Variants in SERPINA6 observed in about 807,000 individuals in gnomAD.
The protein encoded by SERPINA6 is serpin family A member 6.
A neutral mutation model predicts 26.4 loss-of-function variants in SERPINA6; 19 were observed. The observed-to-expected ratio is 0.72, with a 90% CI of 0.50 to 1.06. The LOEUF is 1.06. Among genes scored for constraint, SERPINA6 ranks in the 50% least tolerant of loss-of-function variants. SERPINA6 has a pLI of 0.00. For synonymous variants in SERPINA6, 196 were observed against 199.4 expected (o/e 0.98, Z 0.14); for missense variants, 473 against 504.0 (o/e 0.94, Z 0.59).
At chr14:94,320,291 T>C (rs1429560638) in intron 1 of SERPINA6, among the ~76,000 whole-genome samples, 1 of 152,230 alleles carries the variant, frequency 6.6e-6, no homozygotes, top group Admixed American at 6.5e-5. Flanking sequence ...TGTAGCAAAC[T>C]GTAACCTAGC....
chr14:94,320,168 A>G (rs1895664780), intron 1 of SERPINA6, among the ~76,000 whole-genome samples: 1 of 152,248 alleles, frequency 6.6e-6, no homozygotes, highest in Admixed American at 6.5e-5. Context: ...TGCACCACCC[A>G]CTGTTGAACC....
At chr14:94,320,626 G>T (rs924014104) in intron 1 of SERPINA6, among the ~76,000 whole-genome samples, 2 of 152,122 alleles carry the variant, frequency 1.3e-5, no homozygotes, top group African/African-American at 4.8e-5. Flanking sequence ...CTTTTAACAG[G>T]TGCGCTCCGA....
intron 2 of SERPINA6, among the ~76,000 whole-genome samples, chr14:94,311,281 G>T (rs1471575417): frequency 1.3e-5 from 2 of 152,174 alleles, no homozygotes; most frequent in African/African-American, 4.8e-5. Flanking sequence ...TCCAAAGGAG[G>T]TCTAAAATCC....
Position 94,306,218 on chromosome 14 carries a change from G to A in SERPINA6, c.885C>T (p.Ser295=), listed in dbSNP as rs1186052389. 1 of 1,614,146 alleles carries A rather than the reference G, an allele frequency of 6.2e-7. No individual in the cohort carries two copies. Among genetic ancestry groups the A allele is most frequent in the South Asian group, 1.1e-5 (1 of 91,078 alleles). The change falls in exon 4 of 5, where the codon AGC becomes AGT. Residue 295 remains serine (S), a splice_region_variant and synonymous_variant. Coordinates refer to ENST00000341584, the MANE Select transcript of SERPINA6 (RefSeq NM_001756.4). ...CCTTTGGAATGTACAGGTCCACCTG[G>A]CTGCTCGGGGTAAGCAGACAGAGTT... ...INRWSAGLTS[S]QVDLYIPKVT... is the part of the protein sequence containing the mutation.
chr14:94,315,218 G>A (rs543883104), intron 1 of SERPINA6, among the ~76,000 whole-genome samples: 22 of 152,294 alleles, frequency 1.4e-4, no homozygotes, highest in East Asian at 3.9e-4. Flanking sequence ...AGGTAGATGC[G>A]TGGGCAATTA....
rs1248702180 is a variant in SERPINA6 at position 94,306,212 on chromosome 14, C to T, written c.891G>A (p.Val297=). The T allele has an allele frequency of 8.1e-6, 13 of 1,614,026 alleles. No individual in the cohort carries two copies. The highest frequency in any genetic ancestry group is 1.1e-5 in the Non-Finnish European group (13 of 1,180,032). Residue 297 remains valine, a synonymous_variant, in exon 4 of 5, where the codon GTG becomes GTA. Coordinates refer to ENST00000341584, the MANE Select transcript of SERPINA6 (RefSeq NM_001756.4). Reference sequence around the variant, plus strand: ...TGGTGACCTTTGGAATGTACAGGTCCACCTGGCTGCTCGGGGTAAGCAGAC... The same window carrying T: ...TGGTGACCTTTGGAATGTACAGGTCTACCTGGCTGCTCGGGGTAAGCAGAC... ...RWSAGLTSSQ[V]DLYIPKVTIS...
rs746191186 is a variant in SERPINA6 at position 94,314,672 on chromosome 14, CA to C, written c.-19-6del. 1.2e-6 allele frequency: 2 copies of C among 1,609,522 alleles called. No individual in the cohort carries two copies. Among genetic ancestry groups the C allele is most frequent in the African/African-American group, 2.7e-5 (2 of 75,012 alleles). ...ATTGTCCAGTATAGCCAGGCCCTGC[CA>C]AATCAGAAAAGCTTGTTAGATGCTG... On this transcript the variant is annotated splice_polypyrimidine_tract_variant and splice_region_variant and intron_variant, in intron 1 of 4. Coordinates refer to ENST00000341584, the MANE Select transcript of SERPINA6 (RefSeq NM_001756.4).
intron 1 of SERPINA6, among the ~76,000 whole-genome samples, chr14:94,319,515 T>C (rs565158070): frequency 6.6e-6 from 1 of 152,228 alleles, no homozygotes; most frequent in Non-Finnish European, 1.5e-5. Context: ...TAGACCAAAG[T>C]CACAGCAGCA....
At chr14:94,322,869 G>A (rs888844763) in intron 1 of SERPINA6, among the ~76,000 whole-genome samples, 9 of 152,168 alleles carry the variant, frequency 5.9e-5, no homozygotes, top group Non-Finnish European at 1.2e-4. Context: ...CCTGACCCGC[G>A]GCCAGCATCC....
At chr14:94,315,177 G>A (rs1400085125) in intron 1 of SERPINA6, among the ~76,000 whole-genome samples, 1 of 148,786 alleles carries the variant, frequency 6.7e-6, no homozygotes, top group Admixed American at 6.7e-5. Flanking sequence ...GTAACTTTAA[G>A]CTGAATGAAG....
In SERPINA6 at chr14:94,306,237, CAG is replaced by C. The variant is rs1429387951; in HGVS notation, c.885-21_885-20del. 1.2e-6 allele frequency: 2 copies of C among 1,613,884 alleles called. No individual in the cohort carries two copies. Among genetic ancestry groups the C allele is most frequent in the Non-Finnish European group, 1.7e-6 (2 of 1,180,012 alleles). ...CACCTGGCTGCTCGGGGTAAGCAGACAGAGTTAGACATTCCAGGGCTGGGCCT... is the reference window on the plus strand; with the variant it reads ...CACCTGGCTGCTCGGGGTAAGCAGACAGTTAGACATTCCAGGGCTGGGCCT... On this transcript the variant is annotated intron_variant, in intron 3 of 4. Coordinates refer to ENST00000341584, the MANE Select transcript of SERPINA6 (RefSeq NM_001756.4).
rs202038305 is a variant in SERPINA6 at position 94,306,224 on chromosome 14, C to A, written c.885-6G>T. On this transcript the variant is annotated splice_polypyrimidine_tract_variant and splice_region_variant and intron_variant, in intron 3 of 4. Transcript: ENST00000341584. ...GAATGTACAGGTCCACCTGGCTGCT[C>A]GGGGTAAGCAGACAGAGTTAGACAT... The A allele has an allele frequency of 4.3e-6, 7 of 1,614,058 alleles. No homozygotes were observed. Among genetic ancestry groups the A allele is most frequent in the Non-Finnish European group, 5.9e-6 (7 of 1,180,006 alleles).
At chr14:94,318,255 G>A (rs1895638080) in intron 1 of SERPINA6, among the ~76,000 whole-genome samples, 1 of 152,146 alleles carries the variant, frequency 6.6e-6, no homozygotes, top group Non-Finnish European at 1.5e-5. Context: ...ATCCAATGCA[G>A]TCTATAGATT....
chr14:94,323,019 C>A (rs1895705615), intron 1 of SERPINA6, among the ~76,000 whole-genome samples: 1 of 152,196 alleles, frequency 6.6e-6, no homozygotes, highest in African/African-American at 2.4e-5. Context: ...TTAGCTACAG[C>A]CCTCTGTGTC....
chr14:94,304,667 T>C (rs1895410965), intron 4 of SERPINA6, 64 bp from the exon 5 acceptor site: 1 of 1,386,306 alleles, frequency 7.2e-7, no homozygotes, highest in Non-Finnish European at 1.0e-6. Context: ...TCCTGACTCA[T>C]TGCTGGGACC....
intron 2 of SERPINA6, 25 bp from the exon 3 acceptor site, chr14:94,310,031 G>C: frequency 6.2e-7 from 1 of 1,613,082 alleles, no homozygotes. Flanking sequence ...AGACAGGTCT[G>C]TAGGGCAGAG....
chr14:94,314,505 G>A lies in SERPINA6; in HGVS notation c.144C>T (p.Phe48=), dbSNP rs1326819699. ...GLASANVDFA[F]SLYKHLVALS... The stretch of plus-strand genomic sequence containing the variant: ...AGGCCACTAGGTGCTTATACAGGCT[G>A]AAGGCAAAGTCAACGTTGGCTGAAG... The change falls in exon 2 of 5, where the codon TTC becomes TTT. Residue 48 remains phenylalanine, a synonymous_variant. Transcript: ENST00000341584. 6.2e-7 allele frequency: 1 copy of A among 1,614,236 alleles called. No homozygotes were observed. The highest frequency in any genetic ancestry group is 1.1e-5 in the South Asian group (1 of 91,086).
rs150568135 is a variant in SERPINA6, at chr14:94,314,624, G to A, written c.25C>T (p.Leu9Phe). MPLLLYTC[L>F]LWLPTSGLWT... ...AGGCCGCTGGTGGGCAGCCAGAGAA[G>A]ACAGGTGTACAGGAGGAGTGGCATT... The change falls in exon 2 of 5, where the codon CTT becomes TTT. Residue 9 changes from leucine to phenylalanine, a missense_variant. Physicochemically the swap from Leu to Phe is conservative, Grantham distance 22. Coordinates refer to ENST00000341584, the MANE Select transcript of SERPINA6 (RefSeq NM_001756.4). 6.2e-6 allele frequency: 10 copies of A among 1,613,874 alleles called. No individual in the cohort carries two copies. In the African/African-American group the frequency reaches 1.2e-4, roughly 19 times the overall value.
chr14:94,314,968 G>T (rs974054195), intron 1 of SERPINA6: 4 of 436,624 alleles, frequency 9.2e-6, no homozygotes, highest in Non-Finnish European at 1.7e-5. Flanking sequence ...TTATTAACAT[G>T]ATTTTAGGCA....
Sources: gnomAD v4.1 joint callset for allele counts (sites outside exome capture counted in the v4.1 genomes callset) on GRCh38, gnomAD v4.1.1 for gene constraint, MANE v1.5 for transcripts, NCBI Gene and HGNC (gene_info 2026-07-23, HGNC 2026-07-21) for gene names.